Variants in SBF2 observed in about 807,000 individuals in gnomAD.
The protein encoded by SBF2 is myotubularin-related protein 13.
Under a neutral mutation model 225.2 loss-of-function variants are expected in SBF2, and 112 were observed. The observed-to-expected ratio is 0.50, with a 90% CI of 0.43 to 0.58. The LOEUF (loss-of-function observed/expected upper bound fraction) is 0.58. SBF2 is among the 20% of genes least tolerant of loss of function. The pLI, the probability that SBF2 is intolerant of heterozygous loss-of-function variation, is 0.00. For synonymous variants in SBF2, 763 were observed against 773.3 expected (o/e 0.99, Z 0.22); for missense variants, 1,996 against 2,206.2 (o/e 0.90, Z 1.91).
At chr11:10,185,299 G>T (rs1248951877) in intron 2 of SBF2, among the ~76,000 whole-genome samples, 1 of 152,106 alleles carries the variant, frequency 6.6e-6, no homozygotes, top group Non-Finnish European at 1.5e-5. Flanking sequence ...AAATTGTTAG[G>T]TCATATGGTA....
intron 17 of SBF2, among the ~76,000 whole-genome samples, chr11:9,874,244 T>A (rs898099809): frequency 6.6e-6 from 1 of 152,172 alleles, no homozygotes; most frequent in Non-Finnish European, 1.5e-5. Context: ...GCCAAGTACA[T>A]AATAGTGAAT....
chr11:10,191,494 G>T (rs1957168867), intron 2 of SBF2, among the ~76,000 whole-genome samples: 1 of 152,136 alleles, frequency 6.6e-6, no homozygotes, highest in African/African-American at 2.4e-5. Flanking sequence ...AGACATTAAA[G>T]AATTGAAATT....
intron 2 of SBF2, among the ~76,000 whole-genome samples, chr11:10,083,791 GA>G (rs531639344): frequency 2.6e-3 from 403 of 152,138 alleles, no homozygotes; most frequent in African/African-American, 9.1e-3. Flanking sequence ...GAAAACGTAG[GA>G]AAAACTCTTC....
intron 13 of SBF2, among the ~76,000 whole-genome samples, chr11:9,976,072 C>CTTTTTTTTTTTT (rs773334975): frequency 2.3e-5 from 3 of 128,258 alleles, no homozygotes; most frequent in Non-Finnish European, 3.3e-5. Context: ...TCTTCTTCTT[C>CTTTTTTTTTTTT]TTTTTTTTTT....
rs545631560 is a variant in SBF2, at chr11:9,908,621, C to T, written c.1861-12610G>A. Among the ~76,000 whole-genome samples, 251 of 151,834 alleles carry T rather than the reference C, an allele frequency of 1.7e-3. 3 individuals carry two copies. The highest frequency in any genetic ancestry group is 2.2e-3 in the Admixed American group (34 of 15,262). ...CAGCCTAGGCGACAGAGCGAGACTCCGTCTCAAAAAAAAAAAGTCTTATCT... is the reference window on the plus strand; with the variant it reads ...CAGCCTAGGCGACAGAGCGAGACTCTGTCTCAAAAAAAAAAAGTCTTATCT... On this transcript the variant is annotated intron_variant, in intron 16 of 39. Transcript: ENST00000256190.
At chr11:10,031,819 T>C (rs1298770919) in intron 3 of SBF2, among the ~76,000 whole-genome samples, 1 of 152,228 alleles carries the variant, frequency 6.6e-6, no homozygotes, top group Non-Finnish European at 1.5e-5. Flanking sequence ...CACAGTGCAC[T>C]GCAGCCTCAA....
intron 1 of SBF2, among the ~76,000 whole-genome samples, chr11:10,291,460 T>C (rs1964152020): frequency 6.6e-6 from 1 of 152,138 alleles, no homozygotes; most frequent in African/African-American, 2.4e-5. Flanking sequence ...CAGTTTGAGG[T>C]ATTTTTGTTA....
At chr11:9,949,341 T>C (rs1865730819) in intron 16 of SBF2, among the ~76,000 whole-genome samples, 1 of 152,182 alleles carries the variant, frequency 6.6e-6, no homozygotes, top group Non-Finnish European at 1.5e-5. Context: ...ACTGACACAC[T>C]AATAACATTG....
chr11:10,141,490 T>C (rs1326654663), intron 2 of SBF2, among the ~76,000 whole-genome samples: 2 of 152,176 alleles, frequency 1.3e-5, no homozygotes, highest in Non-Finnish European at 2.9e-5. Context: ...TTGATTCCCT[T>C]AGCTAATGTA....
At chr11:9,824,527 C>T (rs1286377392) in intron 28 of SBF2, among the ~76,000 whole-genome samples, 1 of 147,800 alleles carries the variant, frequency 6.8e-6, no homozygotes, top group East Asian at 2.0e-4. Context: ...CGCTCCACTG[C>T]ACTCCAGCCT....
At chr11:10,035,273 C>G (rs928734548) in intron 3 of SBF2, among the ~76,000 whole-genome samples, 12 of 151,938 alleles carry the variant, frequency 7.9e-5, no homozygotes, top group South Asian at 4.1e-4. Flanking sequence ...CACGCCCAGC[C>G]TAAAGTCTTA....
At chr11:9,887,484 G>T (rs936436183) in intron 17 of SBF2, among the ~76,000 whole-genome samples, 5 of 152,106 alleles carry the variant, frequency 3.3e-5, no homozygotes, top group African/African-American at 1.2e-4. Context: ...GGAAAAGTGG[G>T]AGAAGCCAGG....
intron 2 of SBF2, among the ~76,000 whole-genome samples, chr11:10,065,951 C>CA (rs1950610047): frequency 6.6e-6 from 1 of 151,876 alleles, no homozygotes. Context: ...CCTTCTCAAA[C>CA]AACAAACAAA....
At chr11:9,929,054 A>G in intron 16 of SBF2, 1 of 437,332 alleles carries the variant, frequency 2.3e-6, no homozygotes, top group South Asian at 1.9e-5. Flanking sequence ...AGTTTTGCAA[A>G]GGAGAAGAGG....
At chr11:9,828,039 ATTGAT>A in intron 28 of SBF2, 1 of 717,666 alleles carries the variant, frequency 1.4e-6, no homozygotes, top group Non-Finnish European at 2.0e-6. Flanking sequence ...ATCATAATTA[ATTGAT>A]TTAAAATATC....
intron 17 of SBF2, among the ~76,000 whole-genome samples, chr11:9,876,487 T>C (rs979975873): frequency 6.6e-5 from 10 of 152,162 alleles, no homozygotes; most frequent in African/African-American, 2.4e-4. Context: ...ACAGGATTAG[T>C]ATCCTGAGAT....
rs1947561643 is a variant in SBF2 at position 9,994,125 on chromosome 11, C to T, written c.976-127G>A. 6 of 778,184 alleles carry T rather than the reference C, an allele frequency of 7.7e-6. No homozygotes were observed. The South Asian group carries it at 9.3e-5, about 12-fold the overall frequency. 48.2% of individuals were successfully genotyped at this position (778,184 alleles called of 1,614,324 possible). On this transcript the variant is annotated intron_variant, in intron 9 of 39. Transcript: ENST00000256190. ...CCCTCCATGAATACAATTCAATTAGCTGGGGTAGTTCTATATGTACTATTG... is the reference window on the plus strand; with the variant it reads ...CCCTCCATGAATACAATTCAATTAGTTGGGGTAGTTCTATATGTACTATTG...
At chr11:10,093,021 C>CT (rs35286829) in intron 2 of SBF2, among the ~76,000 whole-genome samples, 30,426 of 145,306 alleles carry the variant, frequency 0.21, 3,799 homozygotes, top group Non-Finnish European at 0.3. Flanking sequence ...TTCCTTCTTT[C>CT]TTTTTTTTTT....
At chr11:9,931,951 T>C (rs940491702) in intron 16 of SBF2, among the ~76,000 whole-genome samples, 2 of 152,192 alleles carry the variant, frequency 1.3e-5, no homozygotes, top group African/African-American at 4.8e-5. Flanking sequence ...CTGATGGAGC[T>C]GAAAACCATG....
Sources: gnomAD v4.1 joint callset for allele counts (sites outside exome capture counted in the v4.1 genomes callset) on GRCh38, gnomAD v4.1.1 for gene constraint, MANE v1.5 for transcripts, NCBI Gene and HGNC (gene_info 2026-07-23, HGNC 2026-07-21) for gene names.